The following TBC1D9 variants were observed in gnomAD, a reference collection of about 807,000 sequenced individuals.
TBC1D9 encodes TBC1 domain family member 9.
In TBC1D9, 63 loss-of-function variants were observed where a neutral mutation model predicts 132.0. The observed-to-expected ratio is 0.48, with a 90% CI of 0.39 to 0.59. TBC1D9 has a LOEUF of 0.59. TBC1D9 is among the 20% of genes least tolerant of loss of function. TBC1D9 has a pLI of 0.00. For synonymous variants in TBC1D9, 610 were observed against 609.9 expected (o/e 1.00, Z 0.00); for missense variants, 1,261 against 1,592.7 (o/e 0.79, Z 3.54).
chr4:140,633,887 G>GCAA, intron 16 of TBC1D9, 61 bp downstream of exon 16: 1 of 1,590,752 alleles, frequency 6.3e-7, no homozygotes, highest in South Asian at 1.1e-5. Context: ...GGCAGCATGG[G>GCAA]CAACACTAGG....
At chr4:140,719,160 AAAAG>A (rs767987188) in intron 1 of TBC1D9, among the ~76,000 whole-genome samples, 12 of 141,612 alleles carry the variant, frequency 8.5e-5, no homozygotes, top group African/African-American at 2.3e-4. Flanking sequence ...ATAAATAAAT[AAAAG>A]AAAGTGGATT....
At chr4:140,627,831 A>C (rs1299753945) in intron 17 of TBC1D9, among the ~76,000 whole-genome samples, 1 of 152,214 alleles carries the variant, frequency 6.6e-6, no homozygotes, top group African/African-American at 2.4e-5. Context: ...ACTGTACGCT[A>C]TAAAGAGAAT....
chr4:140,731,248 T>C (rs1322823744), intron 1 of TBC1D9, among the ~76,000 whole-genome samples: 2 of 152,134 alleles, frequency 1.3e-5, no homozygotes, highest in East Asian at 3.8e-4. Flanking sequence ...GGCTGTTGTG[T>C]TGGTCAAGAA....
chr4:140,654,823 T>C (rs986358452), intron 13 of TBC1D9, among the ~76,000 whole-genome samples: 4 of 152,270 alleles, frequency 2.6e-5, no homozygotes, highest in Non-Finnish European at 4.4e-5. Context: ...TTTAATCTAA[T>C]TTTTTTAATC....
At position 140,686,645 on chromosome 4, in the gene TBC1D9, G is replaced by A. The variant is rs143116521; in HGVS notation, c.242-183C>T. ...ACAAGACATTTAAGGATGTGGAAAC[G>A]CAAGAGTAATATTATAATCAAGTTG... On this transcript the variant is annotated intron_variant, in intron 2 of 20. Transcript: ENST00000442267. 1.9e-3 allele frequency among the ~76,000 whole-genome samples: 291 copies of A among 152,266 alleles called. 3 individuals are homozygous for A. Among genetic ancestry groups the A allele is most frequent in the African/African-American group, 6.3e-3 (261 of 41,572 alleles).
intron 6 of TBC1D9, 127 bp from the exon 7 acceptor site, chr4:140,671,053 G>T: frequency 1.5e-6 from 1 of 685,216 alleles, no homozygotes. Context: ...TTTTATTGAA[G>T]CAAAACTGAG....
At chr4:140,658,860 A>AT (rs1282068119) in intron 11 of TBC1D9, among the ~76,000 whole-genome samples, 5 of 152,112 alleles carry the variant, frequency 3.3e-5, no homozygotes, top group African/African-American at 1.2e-4. Context: ...CAGATTAATC[A>AT]TTTTTTAAAA....
In TBC1D9 at chr4:140,622,576, G is replaced by A; in HGVS notation, c.3420C>T (p.Pro1140=). The A allele has an allele frequency of 6.2e-7, 1 of 1,614,042 alleles. No homozygotes were observed. The highest frequency in any genetic ancestry group is 8.5e-7 in the Non-Finnish European group (1 of 1,179,900). The change falls in exon 21 of 21, where the codon CCC becomes CCT. Residue 1140 remains proline (P), a synonymous_variant. Coordinates refer to ENST00000442267, the MANE Select transcript of TBC1D9 (RefSeq NM_015130.3). ...MEDIKLEDSS[P]RDNGACSSML... is the part of the protein sequence containing the mutation. ...TGGAGGAGCAGGCCCCGTTGTCCCG[G>A]GGCGAGGAGTCCTCCAGCTTGATGT...
intron 15 of TBC1D9, among the ~76,000 whole-genome samples, chr4:140,635,747 G>A (rs1221569498): frequency 2.6e-5 from 4 of 152,138 alleles, no homozygotes; most frequent in Non-Finnish European, 4.4e-5. Flanking sequence ...TTTTTGCAAG[G>A]CGACCTTGAG....
rs143609119 is a variant in TBC1D9, at chr4:140,751,520, A to G, written c.130+4396T>C. Reference sequence around the variant, plus strand: ...AAGAATGTCTTTATAACCACAGAGCAGGAAAAGACTTATTGAACAGAACAC... The same window carrying G: ...AAGAATGTCTTTATAACCACAGAGCGGGAAAAGACTTATTGAACAGAACAC... On this transcript the variant is annotated intron_variant, in intron 1 of 20. Coordinates refer to ENST00000442267, the MANE Select transcript of TBC1D9 (RefSeq NM_015130.3). 3.2e-4 allele frequency among the ~76,000 whole-genome samples: 49 copies of G among 152,338 alleles called. 1 individual carries two copies. The highest frequency in any genetic ancestry group is 1.2e-3 in the African/African-American group (48 of 41,586).
chr4:140,668,865 G>A (rs1023291970), intron 9 of TBC1D9, 52 bp downstream of exon 9: 1 of 1,597,474 alleles, frequency 6.3e-7, no homozygotes. Context: ...GGAGGCCCTG[G>A]TGTGGAGTCC....
In TBC1D9 at chr4:140,622,425, G is replaced by A. The variant is rs777765891; in HGVS notation, c.3571C>T (p.Arg1191Trp). ...EDIGEDTVLV[R>W]SGQGTAALPR... ...AGTGCCGCCGTGCCCTGGCCGCTCC[G>A]CACCAGGACCGTGTCCTCTCCGATG... Residue 1191 changes from arginine (R) to tryptophan (W), a missense_variant, in exon 21 of 21, where the codon CGG becomes TGG. Physicochemically the swap from Arg to Trp is moderately radical, Grantham distance 101 (BLOSUM62 -3). This residue lies in a region of TBC1D9 where 618 missense variants were observed against 724.4 expected (regional missense o/e 0.85). Transcript: ENST00000442267. 1 of 1,613,656 alleles carries A rather than the reference G, an allele frequency of 6.2e-7. No individual in the cohort carries two copies. The highest frequency in any genetic ancestry group is 8.5e-7 in the Non-Finnish European group (1 of 1,179,688).
intron 16 of TBC1D9, among the ~76,000 whole-genome samples, chr4:140,631,458 T>A (rs1736794401): frequency 6.6e-6 from 1 of 152,046 alleles, no homozygotes; most frequent in African/African-American, 2.4e-5. Flanking sequence ...CCTGACCCCA[T>A]GATCTGCCTG....
At chr4:140,726,574 C>T (rs535816987) in intron 1 of TBC1D9, among the ~76,000 whole-genome samples, 1 of 152,068 alleles carries the variant, frequency 6.6e-6, no homozygotes, top group Non-Finnish European at 1.5e-5. Context: ...CAAGTATAAA[C>T]TTCTTATGTT....
At chr4:140,714,840 T>C (rs1317840610) in intron 1 of TBC1D9, among the ~76,000 whole-genome samples, 1 of 152,154 alleles carries the variant, frequency 6.6e-6, no homozygotes, top group Non-Finnish European at 1.5e-5. Flanking sequence ...AAAGAGTCTG[T>C]TTTGGAGCAG....
At position 140,756,160 on chromosome 4, in the gene TBC1D9, G is replaced by T; in HGVS notation, c.-115C>A. 1.2e-6 allele frequency: 1 copy of T among 844,530 alleles called. No homozygotes were observed. Among genetic ancestry groups the T allele is most frequent in the Non-Finnish European group, 1.6e-6 (1 of 621,004 alleles). 52.3% of individuals were successfully genotyped at this position (844,530 alleles called of 1,614,324 possible). On this transcript the variant is annotated 5_prime_UTR_variant, in exon 1 of 21. Coordinates refer to ENST00000442267, the MANE Select transcript of TBC1D9 (RefSeq NM_015130.3). This position sits in a 1 kb window ranked among gnomAD's most constrained non-coding sequence, Gnocchi z 5.6. ...GCGCGCCCGCCCGCCCGTCCGCTAGGTGCGGCGGCGGCGGCGGCAGGCGAC... is the reference window on the plus strand; with the variant it reads ...GCGCGCCCGCCCGCCCGTCCGCTAGTTGCGGCGGCGGCGGCGGCAGGCGAC...
At chr4:140,681,406 CTGT>C (rs1560883853) in intron 3 of TBC1D9, among the ~76,000 whole-genome samples, 1 of 152,182 alleles carries the variant, frequency 6.6e-6, no homozygotes, top group Non-Finnish European at 1.5e-5. Flanking sequence ...ACCTTTCACC[CTGT>C]TGCCGGTAGT....
At position 140,677,113 on chromosome 4, in the gene TBC1D9, TA is replaced by T; in HGVS notation, c.852-13del. The T allele has an allele frequency of 1.9e-6, 3 of 1,612,786 alleles. No homozygotes were observed. The highest frequency in any genetic ancestry group is 2.5e-6 in the Non-Finnish European group (3 of 1,179,784). ...TGGCATCAAGATCACTGGAAAGCAA[TA>T]ATTACAATTCACATAAGAAAAATGT... On this transcript the variant is annotated splice_polypyrimidine_tract_variant and intron_variant, in intron 5 of 20. Transcript: ENST00000442267.
At chr4:140,652,635 C>T (rs1578825698) in intron 13 of TBC1D9, among the ~76,000 whole-genome samples, 2 of 152,316 alleles carry the variant, frequency 1.3e-5, no homozygotes, top group Middle Eastern at 3.4e-3. Context: ...AGCTGTGCAG[C>T]TTGGAACAAC....
Sources: allele counts gnomAD v4.1 joint callset (sites outside exome capture counted in the v4.1 genomes callset), GRCh38; gene constraint gnomAD v4.1.1; regional missense constraint gnomAD v4.1.1; non-coding constraint Gnocchi (gnomAD v3.1); transcripts MANE v1.5; gene names NCBI Gene and HGNC (gene_info 2026-07-23, HGNC 2026-07-21).